SLC30A7: variants seen among roughly 807,000 people sequenced by gnomAD.
The protein encoded by SLC30A7 is zinc transporter 7.
SLC30A7 carries 35 observed loss-of-function variants against 46.0 expected under a neutral mutation model. The observed-to-expected ratio is 0.76, with a 90% CI of 0.58 to 1.01. The LOEUF is 1.01. Ranked by LOEUF, SLC30A7 falls within the 50% of genes least tolerant of loss-of-function variation. SLC30A7 has a pLI of 0.00. For synonymous variants in SLC30A7, 147 were observed against 157.8 expected (o/e 0.93, Z 0.51); for missense variants, 464 against 451.1 (o/e 1.03, Z -0.26).
chr1:100,963,104 A>G (rs1655646485), intron 9 of SLC30A7, among the ~76,000 whole-genome samples: 1 of 152,208 alleles, frequency 6.6e-6, no homozygotes, highest in Non-Finnish European at 1.5e-5. Flanking sequence ...GTAGTTGGAT[A>G]TGAAAATCTT....
chr1:100,983,406 C>A (rs7545301), downstream of SLC30A7, among the ~76,000 whole-genome samples: 98,664 of 134,126 alleles, frequency 0.74, 35,046 homozygotes, highest in East Asian at 0.89. Flanking sequence ...CAAAACAAAA[C>A]AAAAAAAACT....
rs894556713 is a variant in SLC30A7 at position 100,979,160 on chromosome 1, T to G, written c.*4303T>G. The stretch of plus-strand genomic sequence containing the variant: ...ATGTTGAAGTCTTAACCAGAATTCC[T>G]ACAACTAATTACTAAAACTGCTATT... On this transcript the variant is annotated 3_prime_UTR_variant, in exon 11 of 11. Coordinates refer to ENST00000357650, the MANE Select transcript of SLC30A7 (RefSeq NM_133496.5). 1 of 152,122 alleles carries G rather than the reference T, an allele frequency of 6.6e-6. No individual in the cohort carries two copies. The highest frequency in any genetic ancestry group is 1.5e-5 in the Non-Finnish European group (1 of 67,998). The allele number at this position is 152,122 out of a possible 1,614,324, so 9.4% of individuals were successfully genotyped here. A position where few individuals can be genotyped will look rare whatever the true frequency, so the allele number is the denominator to read the frequency against.
At chr1:100,950,519 C>G (rs1654896776) in intron 8 of SLC30A7, among the ~76,000 whole-genome samples, 1 of 152,150 alleles carries the variant, frequency 6.6e-6, no homozygotes, top group Admixed American at 6.5e-5. Context: ...TTTGACTGTA[C>G]CAGTCAGCTC....
At position 100,911,149 on chromosome 1, in the gene SLC30A7, A is replaced by G. The variant is rs1453823277; in HGVS notation, c.383A>G (p.Glu128Gly). Residue 128 changes from glutamate to glycine, a missense_variant and splice_region_variant, in exon 4 of 11, where the codon GAG becomes GGG. By Grantham distance (98) the Glu-to-Gly change is moderately conservative. Transcript: ENST00000357650. Reference sequence around the variant, plus strand: ...TTTTTTATTTTCTCAGAAGGAGTTGAGGTATAGTAGATAATTATTAAAGTC... The same window carrying G: ...TTTTTTATTTTCTCAGAAGGAGTTGGGGTATAGTAGATAATTATTAAAGTC... The part of the protein sequence containing the change: ...TAFFIFSEGV[E>G]RALAPPDVHH... 3 of 1,585,098 alleles carry G rather than the reference A, an allele frequency of 1.9e-6. No individual in the cohort carries two copies. The highest frequency in any genetic ancestry group is 2.6e-6 in the Non-Finnish European group (3 of 1,158,298).
intron 8 of SLC30A7, among the ~76,000 whole-genome samples, chr1:100,925,290 T>TA (rs1570538979): frequency 6.6e-6 from 1 of 152,290 alleles, no homozygotes; most frequent in East Asian, 1.9e-4. Flanking sequence ...TGGTTTGAGA[T>TA]AAAGTTGGAG....
At chr1:100,947,521 T>C (rs895147269) in intron 8 of SLC30A7, among the ~76,000 whole-genome samples, 2 of 152,226 alleles carry the variant, frequency 1.3e-5, no homozygotes, top group African/African-American at 4.8e-5. Context: ...GAGAAGAATG[T>C]ATATTCTGTT....
intron 8 of SLC30A7, among the ~76,000 whole-genome samples, chr1:100,956,787 G>A (rs961949644): frequency 6.6e-6 from 1 of 151,940 alleles, no homozygotes; most frequent in South Asian, 2.1e-4. Context: ...TACTTTTAAA[G>A]GTATGTTTAA....
chr1:100,971,813 T>A (rs1384507957), intron 10 of SLC30A7, among the ~76,000 whole-genome samples: 1 of 152,192 alleles, frequency 6.6e-6, no homozygotes, highest in Non-Finnish European at 1.5e-5. Flanking sequence ...GGGATAAGGA[T>A]GAATATATGT....
chr1:100,986,468 C>T (rs1046966946), downstream of SLC30A7, among the ~76,000 whole-genome samples: 2 of 150,508 alleles, frequency 1.3e-5, no homozygotes, highest in African/African-American at 4.9e-5. Flanking sequence ...ATACTGCCAA[C>T]ATGAAGTGGT....
intron 8 of SLC30A7, among the ~76,000 whole-genome samples, chr1:100,952,160 C>T (rs898026678): frequency 2.0e-5 from 3 of 152,164 alleles, no homozygotes; most frequent in African/African-American, 7.2e-5. Context: ...GACTTCTGAC[C>T]TCCAGAACTG....
intron 2 of SLC30A7, among the ~76,000 whole-genome samples, chr1:100,903,716 A>G (rs1651457415): frequency 6.6e-6 from 1 of 152,194 alleles, no homozygotes; most frequent in African/African-American, 2.4e-5. Context: ...GCAGAGGTTT[A>G]TAAATTATTG....
intron 8 of SLC30A7, among the ~76,000 whole-genome samples, chr1:100,932,348 G>A (rs1398795110): frequency 6.6e-6 from 1 of 152,086 alleles, no homozygotes; most frequent in Admixed American, 6.5e-5. Flanking sequence ...CTGGGAGGTG[G>A]AGGTTGCAGT....
At chr1:100,965,031 T>G (rs1014624295) in intron 9 of SLC30A7, among the ~76,000 whole-genome samples, 1 of 152,222 alleles carries the variant, frequency 6.6e-6, no homozygotes, top group African/African-American at 2.4e-5. Flanking sequence ...CAACATTTTC[T>G]TAACTTCCCA....
chr1:100,943,189 C>G (rs1158955547), intron 8 of SLC30A7, among the ~76,000 whole-genome samples: 2 of 152,176 alleles, frequency 1.3e-5, no homozygotes, highest in Non-Finnish European at 2.9e-5. Flanking sequence ...TTGCAAACCC[C>G]AGGTTAGTTT....
intron 8 of SLC30A7, among the ~76,000 whole-genome samples, chr1:100,947,971 C>T (rs963741373): frequency 1.3e-5 from 2 of 152,132 alleles, no homozygotes; most frequent in African/African-American, 4.8e-5. Context: ...CTCCTGAATA[C>T]AGCACACTGA....
chr1:100,955,395 A>G (rs1229647672), intron 8 of SLC30A7, among the ~76,000 whole-genome samples: 1 of 152,088 alleles, frequency 6.6e-6, no homozygotes, highest in African/African-American at 2.4e-5. Context: ...TTGTAAGATT[A>G]TAACTGTGAT....
chr1:100,994,852 A>G, the SLC30A7 span, among the ~76,000 whole-genome samples: 1 of 152,088 alleles, frequency 6.6e-6, no homozygotes, highest in African/African-American at 2.4e-5. Context: ...CAGAATCCCA[A>G]CGCATTAATT....
chr1:100,900,882 T>A (rs999348943), intron 2 of SLC30A7, among the ~76,000 whole-genome samples: 3 of 152,194 alleles, frequency 2.0e-5, no homozygotes, highest in Non-Finnish European at 4.4e-5. Context: ...TAGTTACCAA[T>A]AGACCTTTTA....
chr1:100,956,618 A>G (rs1655240806), intron 8 of SLC30A7, among the ~76,000 whole-genome samples: 1 of 152,208 alleles, frequency 6.6e-6, no homozygotes, highest in African/African-American at 2.4e-5. Flanking sequence ...CTTGGGGGAA[A>G]CAACTAGACT....
Sources: gnomAD v4.1 joint callset for allele counts (sites outside exome capture counted in the v4.1 genomes callset) on GRCh38, gnomAD v4.1.1 for gene constraint, MANE v1.5 for transcripts, NCBI Gene and HGNC (gene_info 2026-07-23, HGNC 2026-07-21) for gene names.